SH3D19: variants seen among roughly 807,000 people sequenced by gnomAD.
The protein encoded by SH3D19 is SH3 domain containing 19.
Under a neutral mutation model 112.1 loss-of-function variants are expected in SH3D19, and 58 were observed. The ratio of observed to expected loss-of-function variants is 0.52; its 90% CI spans 0.42 to 0.64. SH3D19 has a LOEUF of 0.64. Ranked by LOEUF, SH3D19 falls within the 30% of genes least tolerant of loss-of-function variation. SH3D19 has a pLI of 0.00. For synonymous variants in SH3D19, 391 were observed against 448.5 expected (o/e 0.87, Z 1.62); for missense variants, 1,090 against 1,263.4 (o/e 0.86, Z 2.08).
chr4:151,281,033 A>T (rs1041859015), intron 1 of SH3D19, among the ~76,000 whole-genome samples: 4 of 152,210 alleles, frequency 2.6e-5, no homozygotes, highest in Admixed American at 6.5e-5. Context: ...ACAGGAAAAC[A>T]CAGGATCCAG....
At chr4:151,311,303 G>C (rs1729439032) in intron 1 of SH3D19, among the ~76,000 whole-genome samples, 1 of 151,870 alleles carries the variant, frequency 6.6e-6, no homozygotes, top group Admixed American at 6.6e-5. Context: ...TGCTGAGAAA[G>C]TAGGATCACT....
Position 151,147,809 on chromosome 4 carries a change from G to T in SH3D19, c.2082+113C>A, listed in dbSNP as rs192365618. The T allele has an allele frequency of 2.2e-5, 30 of 1,371,740 alleles. No individual in the cohort carries two copies. The East Asian group carries it at 7.0e-4, about 32-fold the overall frequency. 85.0% of individuals were successfully genotyped at this position (1,371,740 alleles called of 1,614,324 possible). On this transcript the variant is annotated intron_variant, in intron 11 of 19. Coordinates refer to ENST00000604030, the MANE Select transcript of SH3D19 (RefSeq NM_001378122.1). Reference sequence around the variant, plus strand: ...CCTACTCATCTAAAGCACTCTTGGCGTCAAGGGACAATTCCACATTTGTTC... The same window carrying T: ...CCTACTCATCTAAAGCACTCTTGGCTTCAAGGGACAATTCCACATTTGTTC...
intron 15 of SH3D19, among the ~76,000 whole-genome samples, chr4:151,134,064 T>G (rs1751306726): frequency 6.6e-6 from 1 of 152,222 alleles, no homozygotes; most frequent in African/African-American, 2.4e-5. Flanking sequence ...GTCAGATCAA[T>G]GGGTCAATGA....
intron 3 of SH3D19, chr4:151,181,841 GT>G: frequency 6.6e-6 from 1 of 152,252 alleles, no homozygotes; most frequent in Non-Finnish European, 1.5e-5. Context: ...CCATACCACT[GT>G]TTTTCCCTGC....
intron 1 of SH3D19, among the ~76,000 whole-genome samples, chr4:151,248,519 A>G (rs1386353141): frequency 6.6e-6 from 1 of 152,218 alleles, no homozygotes; most frequent in Non-Finnish European, 1.5e-5. Flanking sequence ...TTTAAGTATA[A>G]GATTAAACTT....
At chr4:151,295,265 G>C (rs1289871897) in intron 1 of SH3D19, among the ~76,000 whole-genome samples, 1 of 152,206 alleles carries the variant, frequency 6.6e-6, no homozygotes, top group Non-Finnish European at 1.5e-5. Flanking sequence ...AGGCCAGGAG[G>C]GGGCCAGGAT....
intron 1 of SH3D19, among the ~76,000 whole-genome samples, chr4:151,318,300 CA>C (rs752720803): frequency 0.023 from 1,238 of 54,480 alleles, 3 homozygotes; most frequent in Non-Finnish European, 0.028. Flanking sequence ...GACTCTGACT[CA>C]AAAAAAAAAA....
chr4:151,267,169 A>AAT (rs1554064514), intron 1 of SH3D19, among the ~76,000 whole-genome samples: 50 of 105,134 alleles, frequency 4.8e-4, no homozygotes, highest in South Asian at 2.3e-3. Context: ...AAAAAAAAAA[A>AAT]AAATAAATAA....
In SH3D19 at chr4:151,139,004, T is replaced by C. The variant is rs1443877932; in HGVS notation, c.2296+771A>G. ...CACCATGCCCGGCTACTTTTTTGTA[T>C]TTATAGAGACGGGGTTTCAACATGT... On this transcript the variant is annotated intron_variant, in intron 13 of 19. Coordinates refer to ENST00000604030, the MANE Select transcript of SH3D19 (RefSeq NM_001378122.1). Among the ~76,000 whole-genome samples the C allele has an allele frequency of 7.9e-5, 12 of 151,924 alleles. No individual in the cohort carries two copies. The East Asian group carries it at 2.3e-3, about 29-fold the overall frequency.
In SH3D19 at chr4:151,208,655, C is replaced by G. The variant is rs367751316; in HGVS notation, c.152+17392G>C. Among the ~76,000 whole-genome samples the G allele has an allele frequency of 1.5e-4, 22 of 151,286 alleles. No homozygotes were observed. The South Asian group carries it at 4.6e-3, about 32-fold the overall frequency. On this transcript the variant is annotated intron_variant, in intron 2 of 19. Transcript: ENST00000604030. ...AAAGTGCTGGGATTACAGGCATGCA[C>G]CACTGTGCCCGGCCCCAGGAAATCT...
At chr4:151,320,117 C>G (rs958139131) in intron 1 of SH3D19, among the ~76,000 whole-genome samples, 30 of 152,174 alleles carry the variant, frequency 2.0e-4, no homozygotes, top group African/African-American at 4.8e-5. Context: ...TTCTTCTGTG[C>G]CCTCATACTG....
At chr4:151,284,957 A>G (rs1359277061) in intron 1 of SH3D19, among the ~76,000 whole-genome samples, 1 of 152,134 alleles carries the variant, frequency 6.6e-6, no homozygotes, top group African/African-American at 2.4e-5. Context: ...CCTTTCTGGT[A>G]TATTTCCCTG....
intron 1 of SH3D19, among the ~76,000 whole-genome samples, chr4:151,311,587 T>G (rs1580466795): frequency 6.6e-6 from 1 of 151,724 alleles, no homozygotes; most frequent in Non-Finnish European, 1.5e-5. Flanking sequence ...GCCTGTAATC[T>G]CAGCACTTTG....
intron 8 of SH3D19, among the ~76,000 whole-genome samples, chr4:151,160,524 G>A (rs1756973212): frequency 6.6e-6 from 1 of 152,132 alleles, no homozygotes; most frequent in Admixed American, 6.5e-5. Context: ...AGAAAACCAA[G>A]ATGACCAAAT....
At position 151,148,033 on chromosome 4, in the gene SH3D19, T is replaced by C; in HGVS notation, c.1971A>G (p.Gln657=). 6.2e-7 allele frequency: 1 copy of C among 1,614,124 alleles called. No individual in the cohort carries two copies. The highest frequency in any genetic ancestry group is 1.6e-4 in the Middle Eastern group (1 of 6,062). ...TTGAGAGTCCAGTTGCCAAGTTACT[T>C]TGTTTTTTCTGAAGATCCATGTCAG... ...SSSDMDLQKK[Q]SNLATGLSKA... is the part of the protein sequence containing the mutation. The change falls in exon 11 of 20, where the codon CAA becomes CAG. Residue 657 remains glutamine, a synonymous_variant. Transcript: ENST00000604030.
chr4:151,266,966 A>T (rs1033281866), intron 1 of SH3D19, among the ~76,000 whole-genome samples: 1 of 152,194 alleles, frequency 6.6e-6, no homozygotes, highest in African/African-American at 2.4e-5. Flanking sequence ...AATCTGCCTA[A>T]GACTAAACAG....
chr4:151,132,163 T>G (rs182729493), intron 17 of SH3D19, among the ~76,000 whole-genome samples, 168 bp downstream of exon 17: 188 of 152,354 alleles, frequency 1.2e-3, no homozygotes, highest in African/African-American at 4.3e-3. Flanking sequence ...TGTTTTTGTA[T>G]GAGCTCTCTA....
intron 12 of SH3D19, chr4:151,140,772 G>A (rs1008141026): frequency 3.3e-5 from 5 of 152,160 alleles, no homozygotes; most frequent in African/African-American, 9.7e-5. Context: ...TCCCCTTAGA[G>A]ACGTCCTGAC....
At chr4:151,152,516 CTTTT>C (rs1177292502) in intron 9 of SH3D19, among the ~76,000 whole-genome samples, 3 of 127,278 alleles carry the variant, frequency 2.4e-5, no homozygotes, top group Non-Finnish European at 3.2e-5. Flanking sequence ...CTCTCTCTCT[CTTTT>C]TTTTTTTTTT....
Sources: gnomAD v4.1 joint callset for allele counts (sites outside exome capture counted in the v4.1 genomes callset) on GRCh38, gnomAD v4.1.1 for gene constraint, MANE v1.5 for transcripts, NCBI Gene and HGNC (gene_info 2026-07-23, HGNC 2026-07-21) for gene names.